Variants in GRM7 observed in about 807,000 individuals in gnomAD.
The protein encoded by GRM7 is glutamate metabotropic receptor 7, also known as metabotropic glutamate receptor 7.
A neutral mutation model predicts 84.5 loss-of-function variants in GRM7; 35 were observed. The ratio of observed to expected loss-of-function variants is 0.41; its 90% CI spans 0.32 to 0.55. GRM7 has a LOEUF of 0.55. Among genes scored for constraint, GRM7 ranks in the 20% least tolerant of loss-of-function variants. The pLI is 0.19. For missense variants in GRM7, 1,003 were observed against 1,194.6 expected (o/e 0.84, Z 2.36); for synonymous variants, 487 against 455.1 (o/e 1.07, Z -0.89).
intron 1 of GRM7, among the ~76,000 whole-genome samples, chr3:7,014,469 G>A (rs1276062188): frequency 1.3e-5 from 2 of 152,048 alleles, no homozygotes; most frequent in Admixed American, 6.6e-5. Context: ...GCCTCAAAGA[G>A]TAGCTGGGAT....
intron 7 of GRM7, among the ~76,000 whole-genome samples, chr3:7,478,271 T>A (rs914125443): frequency 2.6e-5 from 4 of 152,162 alleles, no homozygotes; most frequent in African/African-American, 4.8e-5. Context: ...AAAAACCGTA[T>A]GTTCTTGCTG....
chr3:7,193,333 T>G (rs1695777187), intron 2 of GRM7, among the ~76,000 whole-genome samples: 1 of 152,148 alleles, frequency 6.6e-6, no homozygotes, highest in South Asian at 2.1e-4. Context: ...AGTTGCTTAT[T>G]GGATTTCATT....
intron 5 of GRM7, among the ~76,000 whole-genome samples, chr3:7,434,392 C>T (rs1696956830): frequency 6.6e-6 from 1 of 152,094 alleles, no homozygotes; most frequent in African/African-American, 2.4e-5. Flanking sequence ...ATCAGTCTGG[C>T]ATCGGTGAAT....
At chr3:7,176,760 C>T (rs1320613938) in intron 2 of GRM7, among the ~76,000 whole-genome samples, 1 of 152,138 alleles carries the variant, frequency 6.6e-6, no homozygotes, top group Non-Finnish European at 1.5e-5. Context: ...ACATTCCATT[C>T]TTCCATCCTC....
At position 7,118,573 on chromosome 3, in the gene GRM7, A is replaced by G. The variant is rs371696918; in HGVS notation, c.520-27879A>G. ...GCATAAAGTAGCATTATATGTGGTT[A>G]ATTTGAAAATTGGAGGCTCGATCTT... On this transcript the variant is annotated intron_variant, in intron 1 of 9. Coordinates refer to ENST00000357716, the MANE Select transcript of GRM7 (RefSeq NM_000844.4). Among the ~76,000 whole-genome samples, 15 of 150,368 alleles carry G rather than the reference A, an allele frequency of 1.0e-4. No individual in the cohort carries two copies. In the East Asian group the frequency reaches 2.5e-3, roughly 25 times the overall value.
chr3:7,338,576 C>A (rs1047377562), intron 4 of GRM7, among the ~76,000 whole-genome samples: 1 of 152,036 alleles, frequency 6.6e-6, no homozygotes, highest in African/African-American at 2.4e-5. Flanking sequence ...GTACAACAAG[C>A]AACTGTAGCT....
chr3:7,184,098 A>T (rs968378785), intron 2 of GRM7, among the ~76,000 whole-genome samples: 1 of 152,170 alleles, frequency 6.6e-6, no homozygotes, highest in Non-Finnish European at 1.5e-5. Flanking sequence ...TTAAAGAGAA[A>T]AAGAGAGTGT....
chr3:7,571,853 C>A (rs1415687027), intron 7 of GRM7, among the ~76,000 whole-genome samples: 1 of 151,746 alleles, frequency 6.6e-6, no homozygotes, highest in African/African-American at 2.4e-5. Context: ...TTCCACATGA[C>A]TGGGGAGGCC....
intron 1 of GRM7, among the ~76,000 whole-genome samples, chr3:7,052,364 G>A (rs1160884649): frequency 6.6e-6 from 1 of 151,544 alleles, no homozygotes; most frequent in Non-Finnish European, 1.5e-5. Flanking sequence ...TAACTTTTAG[G>A]CATTGATTTT....
intron 1 of GRM7, among the ~76,000 whole-genome samples, chr3:7,059,681 G>C (rs951574440): frequency 1.3e-5 from 2 of 151,694 alleles, no homozygotes; most frequent in Admixed American, 1.3e-4. Context: ...ATAGTATTAA[G>C]AGGTTTGATT....
chr3:7,183,745 G>A (rs1397131404), intron 2 of GRM7, among the ~76,000 whole-genome samples: 1 of 152,104 alleles, frequency 6.6e-6, no homozygotes. Flanking sequence ...TGTACTGTTG[G>A]TTTCATTGTG....
chr3:7,033,892 AATTTATT>A (rs1192834207), intron 1 of GRM7, among the ~76,000 whole-genome samples: 1 of 152,134 alleles, frequency 6.6e-6, no homozygotes, highest in Non-Finnish European at 1.5e-5. Context: ...TTCATTTGCT[AATTTATT>A]ATATTTCTGG....
chr3:7,424,108 C>T (rs775593029), intron 5 of GRM7, among the ~76,000 whole-genome samples: 6 of 152,092 alleles, frequency 3.9e-5, no homozygotes, highest in Non-Finnish European at 8.8e-5. Context: ...ACATTCCCAA[C>T]GGCCTTTCCC....
chr3:7,094,231 A>AC (rs1559435250), intron 1 of GRM7, among the ~76,000 whole-genome samples: 2 of 152,198 alleles, frequency 1.3e-5, no homozygotes, highest in African/African-American at 4.8e-5. Context: ...CTGGAAAAAA[A>AC]CCCACAATTT....
intron 7 of GRM7, among the ~76,000 whole-genome samples, chr3:7,566,549 G>C (rs577447495): frequency 3.9e-5 from 6 of 152,256 alleles, no homozygotes; most frequent in African/African-American, 1.4e-4. Context: ...CTATCACAGA[G>C]TGAGAAGAAA....
chr3:6,967,179 TTTTATTTTTA>T (rs1693554313), intron 1 of GRM7, among the ~76,000 whole-genome samples: 1 of 152,114 alleles, frequency 6.6e-6, no homozygotes, highest in African/African-American at 2.4e-5. Flanking sequence ...GACTTCCTTT[TTTTATTTTTA>T]TTTATTTTTA....
At chr3:7,300,170 A>C (rs1403229284) in intron 3 of GRM7, among the ~76,000 whole-genome samples, 3 of 152,154 alleles carry the variant, frequency 2.0e-5, no homozygotes, top group Non-Finnish European at 2.9e-5. Flanking sequence ...TTATAGTTCA[A>C]AATAATATAT....
chr3:7,547,082 C>T (rs1265509369), intron 7 of GRM7, among the ~76,000 whole-genome samples: 5 of 151,766 alleles, frequency 3.3e-5, no homozygotes, highest in African/African-American at 1.2e-4. Context: ...CGGGAGGGCT[C>T]CATGAAAATT....
intron 2 of GRM7, among the ~76,000 whole-genome samples, chr3:7,164,893 C>G (rs972391973): frequency 2.6e-5 from 4 of 152,146 alleles, no homozygotes; most frequent in Admixed American, 6.5e-5. Context: ...TTGCCCATCT[C>G]TGGGTTGAGA....
Sources: allele counts gnomAD v4.1 joint callset (sites outside exome capture counted in the v4.1 genomes callset), GRCh38; gene constraint gnomAD v4.1.1; transcripts MANE v1.5; gene names NCBI Gene and HGNC (gene_info 2026-07-23, HGNC 2026-07-21).